KRT40: variants seen among roughly 807,000 people sequenced by gnomAD.
KRT40 encodes keratin, type I cytoskeletal 40.
A neutral mutation model predicts 43.5 loss-of-function variants in KRT40; 47 were observed. The ratio of observed to expected loss-of-function variants is 1.08; its 90% CI spans 0.86 to 1.38. The LOEUF (loss-of-function observed/expected upper bound fraction) is 1.38. Among genes scored for constraint, KRT40 ranks in the 40% most tolerant of loss-of-function variants. The pLI is 0.00. For synonymous variants in KRT40, 212 were observed against 214.0 expected (o/e 0.99, Z 0.08); for missense variants, 573 against 523.6 (o/e 1.09, Z -0.92).
At chr17:40,982,274 G>T in intron 3 of KRT40, 33 bp downstream of exon 3, 4 of 1,495,514 alleles carry the variant, frequency 2.7e-6, no homozygotes, top group Non-Finnish European at 3.6e-6. Flanking sequence ...CGTTACTCTC[G>T]GAGTCCTTCA....
chr17:40,980,233 T>C (rs916019867), intron 5 of KRT40, among the ~76,000 whole-genome samples: 2 of 152,192 alleles, frequency 1.3e-5, no homozygotes, highest in Non-Finnish European at 2.9e-5. Flanking sequence ...ATAGTGCCTC[T>C]CACAGGATGA....
chr17:40,980,951 A>C (rs758535113), intron 4 of KRT40, 39 bp downstream of exon 4: 4 of 1,614,076 alleles, frequency 2.5e-6, no homozygotes, highest in Non-Finnish European at 3.4e-6. Context: ...AAAAGGCAGA[A>C]GTCTGTAAGC....
intron 3 of KRT40, 63 bp from the exon 4 acceptor site, chr17:40,981,214 A>G (rs903264069): frequency 1.9e-6 from 3 of 1,609,692 alleles, no homozygotes; most frequent in African/African-American, 2.7e-5. Context: ...TTGACATCCA[A>G]TGGCATTCTA....
chr17:40,981,230 GT>G (rs1363287591), intron 3 of KRT40, 79 bp from the exon 4 acceptor site: 1 of 1,605,924 alleles, frequency 6.2e-7, no homozygotes, highest in Non-Finnish European at 8.5e-7. Context: ...TTCTACTTCT[GT>G]TTTTTGGAGC....
upstream of KRT40, among the ~76,000 whole-genome samples, chr17:40,985,489 GA>G (rs1019515818): frequency 8.6e-5 from 13 of 151,818 alleles, no homozygotes; most frequent in African/African-American, 1.9e-4. Flanking sequence ...AACATTATAG[GA>G]AAAAAACAGA....
In KRT40 at chr17:40,983,909, T is replaced by C. The variant is rs1388641815; in HGVS notation, c.365A>G (p.Gln122Arg). 3 of 1,614,144 alleles carry C rather than the reference T, an allele frequency of 1.9e-6. No homozygotes were observed. Among genetic ancestry groups the C allele is most frequent in the South Asian group, 1.1e-5 (1 of 91,076 alleles). Residue 122 changes from glutamine to arginine, a missense_variant, in exon 1 of 7, where the codon CAA becomes CGA. Physicochemically the swap from Gln to Arg is conservative, Grantham distance 43. Transcript: ENST00000377755. ...ETNAELESRI[Q>R]EQCEQDIPMV... ...TGGGATATCCTGTTCACATTGTTCTTGGATCCTGGATTCCAGCTCTGCGTT... is the reference window on the plus strand; with the variant it reads ...TGGGATATCCTGTTCACATTGTTCTCGGATCCTGGATTCCAGCTCTGCGTT...
At chr17:40,978,381 C>T in intron 6 of KRT40, 85 bp from the exon 7 acceptor site, 1 of 1,101,254 alleles carries the variant, frequency 9.1e-7, no homozygotes, top group East Asian at 2.4e-5. Flanking sequence ...AAAATTTGCC[C>T]TACAAATTAT....
chr17:40,985,260 T>A (rs1293644213), upstream of KRT40, among the ~76,000 whole-genome samples: 1 of 152,120 alleles, frequency 6.6e-6, no homozygotes, highest in African/African-American at 2.4e-5. Flanking sequence ...ACTTGGAAAA[T>A]AAAATTCTAT....
intron 3 of KRT40, 36 bp downstream of exon 3, chr17:40,982,271 C>T: frequency 6.7e-7 from 1 of 1,495,202 alleles, no homozygotes; most frequent in Non-Finnish European, 8.9e-7. Flanking sequence ...GTACGTTACT[C>T]TCGGAGTCCT....
rs1336373731 is a variant in KRT40 at position 40,981,207 on chromosome 17, A to T, written c.688-56T>A. The T allele has an allele frequency of 3.1e-6, 5 of 1,610,508 alleles. No individual in the cohort carries two copies. The East Asian group carries it at 8.9e-5, about 29-fold the overall frequency. ...AGAATGGTGGGGAAAAATCCATTTG[A>T]CATCCAATGGCATTCTACTTCTGTT... On this transcript the variant is annotated intron_variant, in intron 3 of 6. Coordinates refer to ENST00000377755, the MANE Select transcript of KRT40 (RefSeq NM_001389244.1).
At chr17:40,982,099 G>A (rs554915228) in intron 3 of KRT40, among the ~76,000 whole-genome samples, 17 of 151,812 alleles carry the variant, frequency 1.1e-4, no homozygotes, top group African/African-American at 4.1e-4. Context: ...GGCTGGTCTC[G>A]AACTCCTGAC....
chr17:40,981,700 A>G (rs1413587974), intron 3 of KRT40, among the ~76,000 whole-genome samples: 2 of 152,162 alleles, frequency 1.3e-5, no homozygotes, highest in Non-Finnish European at 2.9e-5. Context: ...TAGGGGTGGC[A>G]TAAAGCCTCC....
intron 5 of KRT40, among the ~76,000 whole-genome samples, chr17:40,979,286 C>A (rs1040629610): frequency 3.3e-5 from 5 of 151,958 alleles, no homozygotes; most frequent in Non-Finnish European, 7.4e-5. Context: ...GAGGCCGAGG[C>A]GGGCGGATCA....
In KRT40 at chr17:40,983,998, C is replaced by T. The variant is rs773923849; in HGVS notation, c.276G>A (p.Thr92=). ...DGVFTSNEKE[T]MQFLNDRLAS... ...CGAGTCTGTCATTCAGGAACTGCAT[C>T]GTCTCCTTCTCATTGCTAGTGAACA... Residue 92 remains threonine, a synonymous_variant, in exon 1 of 7, where the codon ACG becomes ACA. Transcript: ENST00000377755. The T allele has an allele frequency of 1.1e-5, 17 of 1,614,004 alleles. No homozygotes were observed. The highest frequency in any genetic ancestry group is 6.7e-5 in the Admixed American group (4 of 59,980).
Position 40,982,295 on chromosome 17 carries a change from C to T in KRT40, c.687+12G>A, listed in dbSNP as rs753056393. On this transcript the variant is annotated intron_variant, in intron 3 of 6. Transcript: ENST00000377755. ...TCTCGGAGTCCTTCAGCGGAGTTGCCACTTTCCTTACCTCTTCATGGTTTT... is the reference window on the plus strand; with the variant it reads ...TCTCGGAGTCCTTCAGCGGAGTTGCTACTTTCCTTACCTCTTCATGGTTTT... The T allele has an allele frequency of 1.2e-5, 18 of 1,533,248 alleles. No individual in the cohort carries two copies. In the African/African-American group the frequency reaches 2.1e-4, roughly 18 times the overall value. 95.0% of individuals were successfully genotyped at this position (1,533,248 alleles called of 1,614,324 possible).
rs1007221352 is a variant in KRT40, at chr17:40,977,807, A to C, written c.*390T>G. 6.4e-6 allele frequency: 1 copy of C among 156,556 alleles called. No individual in the cohort carries two copies. Among genetic ancestry groups the C allele is most frequent in the African/African-American group, 2.4e-5 (1 of 41,590 alleles). 9.7% of individuals were successfully genotyped at this position (156,556 alleles called of 1,614,324 possible). ...ATATGACATTTCTCATGGGTTCATTAATTTATTTGTATTTGAGGAGTTAAA... is the reference window on the plus strand; with the variant it reads ...ATATGACATTTCTCATGGGTTCATTCATTTATTTGTATTTGAGGAGTTAAA... On this transcript the variant is annotated 3_prime_UTR_variant, in exon 7 of 7. Transcript: ENST00000377755.
intron 5 of KRT40, among the ~76,000 whole-genome samples, chr17:40,979,693 G>A (rs759089648): frequency 1.4e-4 from 21 of 152,148 alleles, no homozygotes; most frequent in Non-Finnish European, 2.4e-4. Context: ...GGGAGGGGTA[G>A]TATAGTGCTA....
intron 1 of KRT40, 80 bp from the exon 2 acceptor site, chr17:40,983,208 G>A: frequency 1.6e-6 from 1 of 620,644 alleles, no homozygotes; most frequent in Non-Finnish European, 2.9e-6. Flanking sequence ...TATGCCATTA[G>A]CTATCTTTTG....
chr17:40,979,875 A>G (rs1206947723), intron 5 of KRT40, among the ~76,000 whole-genome samples: 1 of 152,194 alleles, frequency 6.6e-6, no homozygotes, highest in African/African-American at 2.4e-5. Context: ...TGTGCATTTC[A>G]AAATAGCTAG....
Sources: allele counts gnomAD v4.1 joint callset (sites outside exome capture counted in the v4.1 genomes callset), GRCh38; gene constraint gnomAD v4.1.1; transcripts MANE v1.5; gene names NCBI Gene and HGNC (gene_info 2026-07-23, HGNC 2026-07-21).